RBFOX1: variants seen among roughly 807,000 people sequenced by gnomAD.
RBFOX1 encodes RNA binding protein fox-1 homolog 1.
In RBFOX1, 8 loss-of-function variants were observed where a neutral mutation model predicts 57.7. The observed-to-expected ratio is 0.14, with a 90% confidence interval of 0.08 to 0.25. RBFOX1 has a LOEUF of 0.25. Among genes scored for constraint, RBFOX1 ranks in the 10% least tolerant of loss-of-function variants. RBFOX1 has a pLI of 1.00. For missense variants in RBFOX1, 611 were observed against 548.5 expected, an observed-to-expected ratio of 1.11 and a Z score of -1.14; for synonymous variants, 326 against 222.4, an observed-to-expected ratio of 1.47 and a Z score of -4.15.
rs150920874 is a variant in RBFOX1, at chr16:7,621,395, G to C, written c.677-9208G>C. 2.0e-4 allele frequency among the ~76,000 whole-genome samples: 31 copies of C among 152,124 alleles called. No individual in the cohort carries two copies. In the East Asian group the frequency reaches 6.0e-3, roughly 29 times the overall value. On this transcript the variant is annotated intron_variant, in intron 10 of 15. Coordinates refer to ENST00000550418, the MANE Select transcript of RBFOX1 (RefSeq NM_018723.4). ...TGTGCCTCAGCCGCCCAAGTAGCTG[G>C]GGTTACAGGCATATGCCACCACGCC... is the stretch of plus-strand genomic sequence containing the variant.
intron 2 of RBFOX1, among the ~76,000 whole-genome samples, chr16:6,485,144 C>T (rs2153106171): frequency 6.6e-6 from 1 of 152,246 alleles, no homozygotes; most frequent in South Asian, 2.1e-4. Flanking sequence ...AGTCAATCAG[C>T]AACAGCTGCT....
Position 6,661,209 on chromosome 16 carries a change from A to G in RBFOX1, c.-16+6559A>G, listed in dbSNP as rs187375690. ...AATCCAAATGAAGCACACATGCAGA[A>G]AAGTTTCAAGAGACTTACAAGACTT... On this transcript the variant is annotated intron_variant, in intron 3 of 15. Transcript: ENST00000550418. Among the ~76,000 whole-genome samples, 15 of 152,320 alleles carry G rather than the reference A, an allele frequency of 9.8e-5. No homozygotes were observed. The East Asian group carries it at 2.5e-3, about 25-fold the overall frequency.
At chr16:7,433,301 C>G (rs555227823) in intron 4 of RBFOX1, among the ~76,000 whole-genome samples, 1 of 152,290 alleles carries the variant, frequency 6.6e-6, no homozygotes, top group African/African-American at 2.4e-5. Flanking sequence ...AAACCCTAAG[C>G]TCTTAGTTTG....
In RBFOX1 at chr16:5,959,809, C is replaced by G. The variant is rs553191192; in HGVS notation, c.351+92474C>G. Among the ~76,000 whole-genome samples, 18 of 152,264 alleles carry G rather than the reference C, an allele frequency of 1.2e-4. No homozygotes were observed. In the South Asian group the frequency reaches 2.9e-3, roughly 25 times the overall value. The stretch of plus-strand genomic sequence containing the variant: ...CCTGGCTGACAGAGCAAGACTCTAT[C>G]TGAAGAAAAAGAAATAAAGAAAGAA... On this transcript the variant is annotated intron_variant, in intron 4 of 19. Coordinates refer to the RBFOX1 transcript ENST00000641259.
intron 3 of RBFOX1, among the ~76,000 whole-genome samples, chr16:6,900,779 T>A (rs7206886): frequency 2.0e-5 from 3 of 152,116 alleles, no homozygotes; most frequent in Non-Finnish European, 2.9e-5. Context: ...CCCTCTCCTC[T>A]TCCTTCACAG....
chr16:6,009,348 A>G (rs896161148), intron 4 of RBFOX1, among the ~76,000 whole-genome samples: 30 of 152,212 alleles, frequency 2.0e-4, no homozygotes, highest in Non-Finnish European at 4.4e-5. Flanking sequence ...TTTGATACAA[A>G]GAAGCACGTT....
At position 7,166,014 on chromosome 16, in the gene RBFOX1, TTTG is replaced by T. The variant is rs201320374; in HGVS notation, c.27+113932_27+113934del. The stretch of plus-strand genomic sequence containing the variant: ...CCTTTGAAGGAGTGCATAGTCTATT[TTTG>T]TTGTTGTTGTTGTTGAGGTGGAATC... On this transcript the variant is annotated intron_variant, in intron 4 of 15. Transcript: ENST00000550418. Among the ~76,000 whole-genome samples the T allele has an allele frequency of 1.1e-3, 162 of 151,360 alleles. 1 individual carries two copies. The highest frequency in any genetic ancestry group is 2.3e-3 in the Admixed American group (35 of 15,210).
chr16:6,058,992 C>G (rs1037236881), intron 1 of RBFOX1, among the ~76,000 whole-genome samples: 1 of 152,136 alleles, frequency 6.6e-6, no homozygotes, highest in South Asian at 2.1e-4. Context: ...AGCTGGAAAA[C>G]CAAGAAAAAT....
At chr16:5,366,659 C>A in intron 1 of RBFOX1, 2 of 430,120 alleles carry the variant, frequency 4.6e-6, no homozygotes, top group South Asian at 3.8e-5. Context: ...GAGGCTATTC[C>A]CGATCTCTGG....
chr16:5,872,901 C>G (rs865854112), intron 4 of RBFOX1, among the ~76,000 whole-genome samples: 2 of 152,154 alleles, frequency 1.3e-5, no homozygotes, highest in South Asian at 4.2e-4. Context: ...GCCTGTAATC[C>G]CAGCACTTTG....
chr16:6,156,134 C>T (rs941824251), intron 1 of RBFOX1, among the ~76,000 whole-genome samples: 2 of 152,134 alleles, frequency 1.3e-5, no homozygotes, highest in African/African-American at 4.8e-5. Flanking sequence ...TTATTCCATC[C>T]AATTTTCTAA....
At chr16:6,807,890 A>G (rs553869627) in intron 3 of RBFOX1, among the ~76,000 whole-genome samples, 46 of 120,370 alleles carry the variant, frequency 3.8e-4, no homozygotes, top group African/African-American at 1.1e-3. Flanking sequence ...TGTTGAATAT[A>G]TATTATTGTG....
At chr16:7,278,356 A>G (rs970113374) in intron 4 of RBFOX1, among the ~76,000 whole-genome samples, 4 of 152,170 alleles carry the variant, frequency 2.6e-5, no homozygotes, top group Non-Finnish European at 5.9e-5. Flanking sequence ...TCTTAAATTT[A>G]CCCAAGATCA....
intron 4 of RBFOX1, among the ~76,000 whole-genome samples, chr16:7,295,201 C>T (rs758276590): frequency 6.6e-6 from 1 of 152,134 alleles, no homozygotes; most frequent in African/African-American, 2.4e-5. Context: ...AAATTGTGTA[C>T]TCAGAAGACC....
intron 4 of RBFOX1, among the ~76,000 whole-genome samples, chr16:7,480,940 C>G (rs779933667): frequency 2.6e-5 from 4 of 152,058 alleles, no homozygotes; most frequent in Non-Finnish European, 5.9e-5. Context: ...CTCTGTAGTG[C>G]GAATTACTCA....
chr16:5,923,518 T>TCCAGAGCCA (rs2058874410), intron 4 of RBFOX1, among the ~76,000 whole-genome samples: 1 of 144,680 alleles, frequency 6.9e-6, no homozygotes, highest in South Asian at 2.3e-4. Flanking sequence ...ATCATCTGTC[T>TCCAGAGCCA]CCAGAGCCAG....
upstream of RBFOX1, among the ~76,000 whole-genome samples, chr16:6,016,992 C>G (rs1009767594): frequency 3.3e-5 from 5 of 152,176 alleles, no homozygotes; most frequent in Admixed American, 1.3e-4. Context: ...GTGAGTCATG[C>G]CTGACACTCA....
chr16:5,475,937 G>T (rs1022504215), intron 2 of RBFOX1, among the ~76,000 whole-genome samples: 11 of 152,114 alleles, frequency 7.2e-5, no homozygotes, highest in Non-Finnish European at 1.3e-4. Flanking sequence ...TCCAAAGTGT[G>T]GCTCTAGCTC....
rs950648189 is a variant in RBFOX1 at position 7,434,348 on chromosome 16, A to C, written c.28-83799A>C. Among the ~76,000 whole-genome samples, 3 of 152,030 alleles carry C rather than the reference A, an allele frequency of 2.0e-5. No homozygotes were observed. In the South Asian group the frequency reaches 6.2e-4, roughly 32 times the overall value. On this transcript the variant is annotated intron_variant, in intron 4 of 15. Transcript: ENST00000550418. Reference sequence around the variant, plus strand: ...TTAGCTGGGCACAGTGGCGGGCGCCAGTAGTCCCAGCTACTCTGAAGGCTG... The same window carrying C: ...TTAGCTGGGCACAGTGGCGGGCGCCCGTAGTCCCAGCTACTCTGAAGGCTG...
Sources: allele counts gnomAD v4.1 joint callset (sites outside exome capture counted in the v4.1 genomes callset), GRCh38; gene constraint gnomAD v4.1.1; transcripts MANE v1.5; gene names NCBI Gene and HGNC (gene_info 2026-07-23, HGNC 2026-07-21).